REV3L: variants seen among roughly 807,000 people sequenced by gnomAD.
REV3L encodes the protein REV3 like, DNA directed polymerase zeta catalytic subunit.
In REV3L, 69 loss-of-function variants were observed where a neutral mutation model predicts 299.4. That is an observed-to-expected ratio of 0.23 (90% CI 0.19 to 0.28). REV3L has a LOEUF of 0.28. Ranked by LOEUF, REV3L falls within the 10% of genes least tolerant of loss-of-function variation. The pLI is 1.00. For missense variants in REV3L, 3,128 were observed against 3,693.8 expected (o/e 0.85, Z 3.97); for synonymous variants, 1,238 against 1,271.4 (o/e 0.97, Z 0.56).
intron 28 of REV3L, 48 bp downstream of exon 28, chr6:111,313,303 CT>C: frequency 6.4e-7 from 1 of 1,558,786 alleles, no homozygotes; most frequent in East Asian, 2.3e-5. Context: ...TCACCAGACA[CT>C]TTAGCCACTT....
chr6:111,376,246 G>A lies in REV3L; in HGVS notation c.2109C>T (p.Gly703=), dbSNP rs1780291550. Residue 703 remains glycine, a synonymous_variant, in exon 13 of 32, where the codon GGC becomes GGT. Coordinates refer to ENST00000368802, the MANE Select transcript of REV3L (RefSeq NM_001372078.1). The part of the protein sequence containing the change: ...MHRHPNENTL[G]KNSFNFSDLN... ...AGTCAGAAAAGTTGAAAGAATTTTTGCCCAATGTATTCTCGTTAGGGTGAC... is the reference window on the plus strand; with the variant it reads ...AGTCAGAAAAGTTGAAAGAATTTTTACCCAATGTATTCTCGTTAGGGTGAC... 1 of 1,613,516 alleles carries A rather than the reference G, an allele frequency of 6.2e-7. No homozygotes were observed. The highest frequency in any genetic ancestry group is 1.1e-5 in the South Asian group (1 of 91,052).
At chr6:111,448,912 C>T (rs766817111) in intron 1 of REV3L, among the ~76,000 whole-genome samples, 1 of 151,754 alleles carries the variant, frequency 6.6e-6, no homozygotes, top group African/African-American at 2.4e-5. Flanking sequence ...ATCTTCCTGC[C>T]CCGGCCTCCC....
At chr6:111,329,440 GC>G in intron 25 of REV3L, 91 bp downstream of exon 25, 2 of 1,214,194 alleles carry the variant, frequency 1.6e-6, no homozygotes, top group Non-Finnish European at 2.4e-6. Flanking sequence ...CCACATCTTA[GC>G]TTCCAAAGTA....
intron 1 of REV3L, among the ~76,000 whole-genome samples, chr6:111,449,583 T>C (rs921089013): frequency 1.3e-5 from 2 of 152,164 alleles, no homozygotes; most frequent in African/African-American, 4.8e-5. Context: ...GAAGGAAACA[T>C]ACTTCACAAG....
At chr6:111,306,690 TATG>T (rs888656273) in intron 31 of REV3L, among the ~76,000 whole-genome samples, 1 of 152,176 alleles carries the variant, frequency 6.6e-6, no homozygotes, top group African/African-American at 2.4e-5. Flanking sequence ...TGGCACACAG[TATG>T]ACTCAATCAT....
At chr6:111,464,628 T>G (rs954925729) in intron 1 of REV3L, among the ~76,000 whole-genome samples, 1 of 152,054 alleles carries the variant, frequency 6.6e-6, no homozygotes, top group Non-Finnish European at 1.5e-5. Context: ...AAAAAAGAAA[T>G]GAATAGAAAC....
rs1057519367 is a variant in REV3L at position 111,405,476 on chromosome 6, T to A, written c.559A>T (p.Arg187Trp). 11 of 1,587,742 alleles carry A rather than the reference T, an allele frequency of 6.9e-6. No individual in the cohort carries two copies. The highest frequency in any genetic ancestry group is 9.4e-6 in the Non-Finnish European group (11 of 1,171,382). The change falls in exon 4 of 32, where the codon AGG (arginine) becomes TGG (tryptophan). Residue 187 changes from arginine (R) to tryptophan (W), a missense_variant. Physicochemically the swap from Arg to Trp is moderately radical, Grantham distance 101. Transcript: ENST00000368802. Reference protein sequence around the residue: ...LAAVKFRKARRKSNTLHATGS... With the variant: ...LAAVKFRKARWKSNTLHATGS... ...GACTGAAAATTAACCTTACTTTTCC[T>A]TCTTGCTTTTCGGAACTTGACAGCA...
chr6:111,378,108 G>A (rs1196421825), intron 11 of REV3L, among the ~76,000 whole-genome samples: 1 of 152,152 alleles, frequency 6.6e-6, no homozygotes, highest in Non-Finnish European at 1.5e-5. Flanking sequence ...TTTCATGTGA[G>A]CTAAAATACA....
chr6:111,433,094 T>C (rs1366026945), intron 1 of REV3L, among the ~76,000 whole-genome samples: 2 of 151,844 alleles, frequency 1.3e-5, no homozygotes, highest in Admixed American at 6.6e-5. Flanking sequence ...TGTCAAAAAG[T>C]AGAAAGACTT....
intron 31 of REV3L, among the ~76,000 whole-genome samples, chr6:111,302,142 G>C (rs1265132803): frequency 6.6e-6 from 1 of 152,188 alleles, no homozygotes; most frequent in Non-Finnish European, 1.5e-5. Flanking sequence ...ACTGGTTACT[G>C]TATCCAATAT....
At chr6:111,410,719 C>T (rs1020052041) in intron 3 of REV3L, among the ~76,000 whole-genome samples, 1 of 152,188 alleles carries the variant, frequency 6.6e-6, no homozygotes, top group African/African-American at 2.4e-5. Context: ...ACCTCATGTT[C>T]TGGGCAGTCG....
intron 1 of REV3L, among the ~76,000 whole-genome samples, chr6:111,442,715 G>GA (rs527907697): frequency 4.1e-4 from 62 of 152,192 alleles, no homozygotes; most frequent in Admixed American, 1.3e-3. Flanking sequence ...CTTTTGGCCT[G>GA]AAAAAATTTT....
At chr6:111,400,609 AC>A (rs1782988506) in intron 4 of REV3L, among the ~76,000 whole-genome samples, 1 of 152,140 alleles carries the variant, frequency 6.6e-6, no homozygotes, top group Non-Finnish European at 1.5e-5. Context: ...TATTTTATAC[AC>A]AAGTCCTCTA....
intron 1 of REV3L, among the ~76,000 whole-genome samples, chr6:111,441,208 C>T (rs886220084): frequency 1.2e-4 from 19 of 152,250 alleles, no homozygotes; most frequent in African/African-American, 4.6e-4. Context: ...ATTCCAATCC[C>T]TATGCCTCTA....
intron 28 of REV3L, chr6:111,312,226 A>G (rs1412276970): frequency 6.6e-6 from 1 of 152,216 alleles, no homozygotes; most frequent in Non-Finnish European, 1.5e-5. Flanking sequence ...CAGAGAAAGA[A>G]GGTACTGGAT....
At chr6:111,405,051 G>C (rs1249097693) in intron 4 of REV3L, among the ~76,000 whole-genome samples, 1 of 151,594 alleles carries the variant, frequency 6.6e-6, no homozygotes, top group Non-Finnish European at 1.5e-5. Flanking sequence ...GGGATTTCTA[G>C]AATTGTGTAT....
chr6:111,399,304 C>T (rs1238891583), intron 4 of REV3L, among the ~76,000 whole-genome samples: 2 of 152,032 alleles, frequency 1.3e-5, no homozygotes, highest in East Asian at 1.9e-4. Context: ...TTTAGATTTA[C>T]AGAAAAGTTC....
At chr6:111,434,808 T>C (rs75350113) in intron 1 of REV3L, among the ~76,000 whole-genome samples, 1,928 of 151,588 alleles carry the variant, frequency 0.013, 41 homozygotes, top group African/African-American at 0.043. Context: ...AAGTAAAATA[T>C]CTCTACTAGA....
At chr6:111,413,403 G>A (rs541590367) in intron 2 of REV3L, among the ~76,000 whole-genome samples, 4 of 152,134 alleles carry the variant, frequency 2.6e-5, no homozygotes, top group South Asian at 2.1e-4. Context: ...TGTGGATAGC[G>A]AAAAATCTCA....
Sources: gnomAD v4.1 joint callset for allele counts (sites outside exome capture counted in the v4.1 genomes callset) on GRCh38, gnomAD v4.1.1 for gene constraint, MANE v1.5 for transcripts, NCBI Gene and HGNC (gene_info 2026-07-23, HGNC 2026-07-21) for gene names.